Variants in FRMPD1 observed in about 807,000 individuals in gnomAD.
FRMPD1 encodes the protein FERM and PDZ domain-containing protein 1.
A neutral mutation model predicts 117.8 loss-of-function variants in FRMPD1; 76 were observed. The observed-to-expected ratio is 0.65, with a 90% CI of 0.54 to 0.78. The LOEUF (loss-of-function observed/expected upper bound fraction) is 0.78. FRMPD1 is among the 30% of genes least tolerant of loss of function. The probability of loss-of-function intolerance (pLI) is 0.00; values close to 1 mark genes in which losing one functional copy is unlikely to be tolerated. For synonymous variants in FRMPD1, 783 were observed against 770.4 expected, an observed-to-expected ratio of 1.02 and a Z score of -0.27; for missense variants, 1,786 against 1,964.5, an observed-to-expected ratio of 0.91 and a Z score of 1.72.
chr9:37,605,666 TGTCATTCTG>T, the FRMPD1 span, among the ~76,000 whole-genome samples: 1 of 151,866 alleles, frequency 6.6e-6, no homozygotes, highest in Non-Finnish European at 1.5e-5. Context: ...CAAATCATAT[TGTCATTCTG>T]GTAGAATTTT....
intron 2 of FRMPD1, among the ~76,000 whole-genome samples, chr9:37,706,074 T>C (rs1166719343): frequency 6.6e-6 from 1 of 152,144 alleles, no homozygotes; most frequent in East Asian, 1.9e-4. Flanking sequence ...GTTTCTTCCC[T>C]CTCATTAGGT....
intron 1 of FRMPD1, among the ~76,000 whole-genome samples, chr9:37,653,245 C>A (rs980543186): frequency 2.0e-5 from 3 of 152,136 alleles, no homozygotes; most frequent in African/African-American, 7.2e-5. Flanking sequence ...TAAATGAGAT[C>A]ATGTATAACA....
At chr9:37,673,190 A>G (rs1288104729) in intron 1 of FRMPD1, among the ~76,000 whole-genome samples, 1 of 152,240 alleles carries the variant, frequency 6.6e-6, no homozygotes, top group East Asian at 1.9e-4. Flanking sequence ...CAATGGGGGT[A>G]CATGTATTGG....
At chr9:37,648,070 C>T (rs1433627181), upstream of FRMPD1, among the ~76,000 whole-genome samples, 2 of 152,118 alleles carry the variant, frequency 1.3e-5, no homozygotes, top group African/African-American at 4.8e-5. Flanking sequence ...ATAGTGCTGG[C>T]TAGCAAGTAA....
intron 1 of FRMPD1, among the ~76,000 whole-genome samples, chr9:37,682,485 A>G (rs1021937234): frequency 3.9e-5 from 6 of 152,224 alleles, no homozygotes; most frequent in Admixed American, 1.3e-4. Flanking sequence ...GAAAAATGCA[A>G]TGTTAAGATA....
intron 10 of FRMPD1, 53 bp downstream of exon 10, chr9:37,732,493 GC>G: frequency 6.6e-7 from 1 of 1,526,016 alleles, no homozygotes. Context: ...CTGGCCCCTG[GC>G]CAGGAGGGCC....
chr9:37,693,015 C>T lies in FRMPD1; in HGVS notation c.101+273C>T, dbSNP rs1165083256. 4.9e-5 allele frequency: 25 copies of T among 510,576 alleles called. No individual in the cohort carries two copies. The Admixed American group carries it at 8.2e-4, about 17-fold the overall frequency. The allele number at this position is 510,576 out of a possible 1,614,324, so 31.6% of individuals were successfully genotyped here. On this transcript the variant is annotated intron_variant, in intron 2 of 15. Transcript: ENST00000377765. ...ACACACTGACACACAGACATACACA[C>T]AGAAATACACTCATACATACTCATA...
intron 1 of FRMPD1, among the ~76,000 whole-genome samples, chr9:37,659,638 A>G (rs568913594): frequency 6.6e-6 from 1 of 152,302 alleles, no homozygotes; most frequent in African/African-American, 2.4e-5. Context: ...CCACTAATTT[A>G]GACTGAGATT....
chr9:37,649,861 T>C (rs1820613282), upstream of FRMPD1, among the ~76,000 whole-genome samples: 1 of 152,186 alleles, frequency 6.6e-6, no homozygotes, highest in Non-Finnish European at 1.5e-5. Context: ...ACTCCCTCTG[T>C]GGGATCTCTC....
In FRMPD1 at chr9:37,707,516, G is replaced by T. The variant is rs754153341; in HGVS notation, c.202G>T (p.Asp68Tyr). 6.2e-7 allele frequency: 1 copy of T among 1,614,028 alleles called. No homozygotes were observed. The highest frequency in any genetic ancestry group is 8.5e-7 in the Non-Finnish European group (1 of 1,179,902). ...VKIDKDTLLQ[D>Y]YGFHISESLP... Reference sequence around the variant, plus strand: ...GATAGACAAAGACACCCTCCTCCAGGACTATGGATTTCACATTTCTGAGAG... The same window carrying T: ...GATAGACAAAGACACCCTCCTCCAGTACTATGGATTTCACATTTCTGAGAG... Residue 68 changes from aspartate (D) to tyrosine (Y), a missense_variant, in exon 3 of 16, where the codon GAC becomes TAC. Coordinates refer to ENST00000377765, the MANE Select transcript of FRMPD1 (RefSeq NM_014907.3).
the FRMPD1 span, among the ~76,000 whole-genome samples, chr9:37,640,098 C>T: frequency 2.6e-5 from 4 of 152,150 alleles, no homozygotes; most frequent in Non-Finnish European, 5.9e-5. Context: ...GGTTTAACTG[C>T]TGTGTGTTCC....
chr9:37,694,768 T>C (rs562121097), intron 2 of FRMPD1, among the ~76,000 whole-genome samples: 125 of 152,346 alleles, frequency 8.2e-4, no homozygotes, highest in Admixed American at 1.4e-3. Flanking sequence ...TGTGATCTTT[T>C]GTGACTGGCT....
chr9:37,737,523 C>T (rs1824190020), intron 14 of FRMPD1, among the ~76,000 whole-genome samples: 1 of 152,144 alleles, frequency 6.6e-6, no homozygotes, highest in Admixed American at 6.5e-5. Context: ...AGATCCACTG[C>T]ATTTTATCAT....
At position 37,732,421 on chromosome 9, in the gene FRMPD1, A is replaced by T. The variant is rs1823929960; in HGVS notation, c.976A>T (p.Ile326Phe). ...CTACGCCTGTGCCCAGCCACAGAAG[A>T]TCTCTTTAAAGTATATAGAGTGAGT... ...RIYACAQPQK[I>F]SLKYIEKDWG... Residue 326 changes from isoleucine (I) to phenylalanine (F), a missense_variant, in exon 10 of 16, where the codon ATC becomes TTC. Coordinates refer to ENST00000377765, the MANE Select transcript of FRMPD1 (RefSeq NM_014907.3). 6.2e-7 allele frequency: 1 copy of T among 1,613,334 alleles called. No individual in the cohort carries two copies. Among genetic ancestry groups the T allele is most frequent in the East Asian group, 2.2e-5 (1 of 44,866 alleles).
At chr9:37,685,730 T>C (rs1013696203) in intron 1 of FRMPD1, among the ~76,000 whole-genome samples, 5 of 152,240 alleles carry the variant, frequency 3.3e-5, no homozygotes, top group African/African-American at 1.2e-4. Context: ...GCTAGCCCTA[T>C]TATTTGTGAG....
At chr9:37,628,349 T>G in the FRMPD1 span, among the ~76,000 whole-genome samples, 1 of 152,116 alleles carries the variant, frequency 6.6e-6, no homozygotes, top group African/African-American at 2.4e-5. Context: ...AGGAAACACT[T>G]GGACTCAGGA....
the FRMPD1 span, among the ~76,000 whole-genome samples, chr9:37,612,057 A>G: frequency 1.3e-5 from 2 of 152,292 alleles, no homozygotes; most frequent in South Asian, 4.2e-4. Context: ...AATACACTTA[A>G]GCCCTTGTCT....
At chr9:37,619,974 C>G in the FRMPD1 span, among the ~76,000 whole-genome samples, 1 of 151,940 alleles carries the variant, frequency 6.6e-6, no homozygotes, top group Non-Finnish European at 1.5e-5. Context: ...CCCCCACATC[C>G]TGGAGTTGGT....
intron 7 of FRMPD1, among the ~76,000 whole-genome samples, chr9:37,728,205 T>C (rs1389574511): frequency 6.6e-6 from 1 of 152,174 alleles, no homozygotes; most frequent in Non-Finnish European, 1.5e-5. Context: ...ATGAAAACAC[T>C]GAGGCATAGA....
Sources: gnomAD v4.1 joint callset for allele counts (sites outside exome capture counted in the v4.1 genomes callset) on GRCh38, gnomAD v4.1.1 for gene constraint, MANE v1.5 for transcripts, NCBI Gene and HGNC (gene_info 2026-07-23, HGNC 2026-07-21) for gene names.